Variants in MAST2 observed in about 807,000 individuals in gnomAD.
MAST2 encodes microtubule-associated serine/threonine-protein kinase 2.
MAST2 carries 70 observed loss-of-function variants against 147.4 expected under a neutral mutation model. The observed-to-expected ratio is 0.47, with a 90% CI of 0.39 to 0.58. The LOEUF is 0.58. Ranked by LOEUF, MAST2 falls within the 20% of genes least tolerant of loss-of-function variation. The pLI, the probability that MAST2 is intolerant of heterozygous loss-of-function variation, is 0.00. For synonymous variants in MAST2, 869 were observed against 896.8 expected (o/e 0.97, Z 0.55); for missense variants, 2,080 against 2,302.3 (o/e 0.90, Z 1.98).
chr1:45,813,650 C>A (rs1382016736), intron 1 of MAST2, among the ~76,000 whole-genome samples: 1 of 152,034 alleles, frequency 6.6e-6, no homozygotes, highest in African/African-American at 2.4e-5. Flanking sequence ...AGGCTTCTGC[C>A]ACCACACCTG....
At chr1:46,002,781 C>T in intron 6 of MAST2, 24 bp from the exon 7 acceptor site, 2 of 1,611,220 alleles carry the variant, frequency 1.2e-6, no homozygotes, top group African/African-American at 1.3e-5. Context: ...GCAGAAACTG[C>T]CTAATACTTT....
chr1:45,841,911 A>G (rs1313717720), intron 3 of MAST2, among the ~76,000 whole-genome samples: 7 of 152,222 alleles, frequency 4.6e-5, no homozygotes, highest in African/African-American at 1.4e-4. Context: ...GGGTTGCAAA[A>G]TAAGTTTTGA....
chr1:46,022,783 T>A, intron 12 of MAST2, 127 bp from the exon 13 acceptor site: 1 of 740,838 alleles, frequency 1.3e-6, no homozygotes, highest in South Asian at 1.6e-5. Flanking sequence ...TGGGACTGAA[T>A]TCACATCCTA....
intron 3 of MAST2, 39 bp from the exon 4 acceptor site, chr1:45,882,325 G>A: frequency 6.5e-7 from 1 of 1,532,636 alleles, no homozygotes; most frequent in Non-Finnish European, 9.0e-7. Context: ...GGACTCAGAT[G>A]GGTTCTTATT....
At chr1:46,003,398 G>C (rs1263909918) in intron 7 of MAST2, among the ~76,000 whole-genome samples, 2 of 152,102 alleles carry the variant, frequency 1.3e-5, no homozygotes, top group Non-Finnish European at 2.9e-5. Context: ...ATTTCTTTTG[G>C]AGAATGTTTT....
At chr1:45,933,538 G>C (rs971485907) in intron 4 of MAST2, among the ~76,000 whole-genome samples, 1 of 148,894 alleles carries the variant, frequency 6.7e-6, no homozygotes, top group African/African-American at 2.5e-5. Flanking sequence ...TCAGGAGTTT[G>C]AGACCAGCCT....
At position 45,831,030 on chromosome 1, in the gene MAST2, GAA is replaced by G. The variant is rs11302327; in HGVS notation, c.468+1467_468+1468del. Among the ~76,000 whole-genome samples the G allele has an allele frequency of 2.6e-3, 299 of 116,252 alleles. 1 individual carries two copies. The Middle Eastern group carries it at 0.026, about 10-fold the overall frequency. 76.3% of individuals were successfully genotyped at this position (116,252 alleles called of 152,430 possible). On this transcript the variant is annotated intron_variant, in intron 3 of 28. Coordinates refer to ENST00000361297, the MANE Select transcript of MAST2 (RefSeq NM_015112.3). Reference sequence around the variant, plus strand: ...TGGCGACAGAGTGAGACCTTGTCTGGAAAAAAAAAAAAAAAAAAAGCCTTTTG... The same window carrying G: ...TGGCGACAGAGTGAGACCTTGTCTGGAAAAAAAAAAAAAAAAAGCCTTTTG...
chr1:45,870,133 A>T (rs961127812), intron 3 of MAST2, among the ~76,000 whole-genome samples: 5 of 152,206 alleles, frequency 3.3e-5, no homozygotes, highest in Non-Finnish European at 7.3e-5. Flanking sequence ...CATGTTGGCC[A>T]GGCTAGTCTC....
intron 1 of MAST2, among the ~76,000 whole-genome samples, chr1:45,808,196 T>C (rs1256053935): frequency 2.0e-5 from 3 of 152,184 alleles, no homozygotes; most frequent in African/African-American, 4.8e-5. Flanking sequence ...ATCTTTCCTT[T>C]TTGTCATCCA....
rs547795456 is a variant in MAST2, at chr1:45,893,276, C to T, written c.500+10881C>T. Among the ~76,000 whole-genome samples the T allele has an allele frequency of 4.6e-5, 7 of 152,268 alleles. No individual in the cohort carries two copies. The East Asian group carries it at 1.2e-3, about 25-fold the overall frequency. ...AGTGCAGTGGCTCTGTCATAGCTCA[C>T]GGCAGCCTCAACCTCCTGGGCTCAA... On this transcript the variant is annotated intron_variant, in intron 4 of 28. Transcript: ENST00000361297.
intron 5 of MAST2, among the ~76,000 whole-genome samples, chr1:45,979,355 C>G (rs1288102115): frequency 6.6e-6 from 1 of 151,984 alleles, no homozygotes; most frequent in African/African-American, 2.4e-5. Flanking sequence ...ACTGTCTCCT[C>G]CAGCTGCTAA....
intron 4 of MAST2, among the ~76,000 whole-genome samples, chr1:45,955,242 C>G (rs1486600079): frequency 6.6e-6 from 1 of 152,130 alleles, no homozygotes; most frequent in African/African-American, 2.4e-5. Flanking sequence ...ATACCAAAAT[C>G]TGCAGATGCC....
chr1:46,032,470 A>G, intron 25 of MAST2, 66 bp downstream of exon 25: 1 of 1,601,952 alleles, frequency 6.2e-7, no homozygotes, highest in Non-Finnish European at 8.5e-7. Flanking sequence ...CCCTTTGTGG[A>G]GCCCATCTGT....
At chr1:45,900,109 G>T (rs537892814) in intron 4 of MAST2, among the ~76,000 whole-genome samples, 1 of 144,462 alleles carries the variant, frequency 6.9e-6, no homozygotes, top group East Asian at 2.0e-4. Context: ...GCCAGTGGTT[G>T]CAGTGAGCCG....
chr1:46,035,096 G>T lies in MAST2; in HGVS notation c.4427G>T (p.Arg1476Leu). ...GGGGTGCTGCAGCCTGCTCCCTCAC[G>T]GGCCCTAGGCACCCTCCGGCAGGAC... Reference protein sequence around the residue: ...GKGVLQPAPSRALGTLRQDRA... With the variant: ...GKGVLQPAPSLALGTLRQDRA... The change falls in exon 29 of 29, where the codon CGG (arginine) becomes CTG (leucine). Residue 1476 changes from arginine (R) to leucine (L), a missense_variant. By Grantham distance (102) the Arg-to-Leu change is moderately radical (BLOSUM62 -2). Coordinates refer to ENST00000361297, the MANE Select transcript of MAST2 (RefSeq NM_015112.3). This position sits in a 1 kb window ranked among gnomAD's most constrained non-coding sequence, Gnocchi z 5.5. 6.2e-7 allele frequency: 1 copy of T among 1,613,582 alleles called. No individual in the cohort carries two copies. Among genetic ancestry groups the T allele is most frequent in the Non-Finnish European group, 8.5e-7 (1 of 1,179,938 alleles).
At chr1:46,026,339 A>G (rs1057362366) in intron 16 of MAST2, among the ~76,000 whole-genome samples, 7 of 152,246 alleles carry the variant, frequency 4.6e-5, no homozygotes, top group African/African-American at 1.7e-4. Context: ...GCACTTGTTC[A>G]GGAACTACAA....
At chr1:45,959,718 C>T (rs1448507691) in intron 5 of MAST2, among the ~76,000 whole-genome samples, 1 of 152,214 alleles carries the variant, frequency 6.6e-6, no homozygotes, top group Admixed American at 6.5e-5. Flanking sequence ...TATCTTGGGG[C>T]CAGGTATGTG....
intron 3 of MAST2, among the ~76,000 whole-genome samples, chr1:45,843,396 GT>G (rs770564506): frequency 3.8e-4 from 58 of 152,188 alleles, no homozygotes; most frequent in Non-Finnish European, 6.9e-4. Flanking sequence ...GAATTTTATG[GT>G]TTTACTTCTT....
chr1:46,030,507 C>A, intron 21 of MAST2, 100 bp from the exon 22 acceptor site: 1 of 1,391,554 alleles, frequency 7.2e-7, no homozygotes, highest in Non-Finnish European at 9.7e-7. Flanking sequence ...ATGGAACCGA[C>A]TGGTTCAAAT....
Sources: gnomAD v4.1 joint callset for allele counts (sites outside exome capture counted in the v4.1 genomes callset) on GRCh38, gnomAD v4.1.1 for gene constraint, Gnocchi (gnomAD v3.1) non-coding constraint, MANE v1.5 for transcripts, NCBI Gene and HGNC (gene_info 2026-07-23, HGNC 2026-07-21) for gene names.